The following DNAH3 variants were observed in gnomAD, a reference collection of about 807,000 sequenced individuals.
The protein encoded by DNAH3 is axonemal beta dynein heavy chain 3.
In DNAH3, 332 loss-of-function variants were observed where a neutral mutation model predicts 432.5. The ratio of observed to expected loss-of-function variants is 0.77; its 90% CI spans 0.70 to 0.84. The LOEUF is 0.84. Ranked by LOEUF, DNAH3 falls within the 40% of genes least tolerant of loss-of-function variation. DNAH3 has a pLI of 0.00. For missense variants in DNAH3, 4,861 were observed against 5,114.0 expected, an observed-to-expected ratio of 0.95 and a Z score of 1.51; for synonymous variants, 1,956 against 1,900.2, an observed-to-expected ratio of 1.03 and a Z score of -0.76.
intron 39 of DNAH3, among the ~76,000 whole-genome samples, chr16:21,024,240 C>T (rs1018987093): frequency 1.3e-5 from 2 of 152,126 alleles, no homozygotes; most frequent in African/African-American, 4.8e-5. Flanking sequence ...CCTGGCCCAT[C>T]TCTAGAGAAA....
At chr16:21,005,751 C>T (rs1394959847) in intron 41 of DNAH3, among the ~76,000 whole-genome samples, 1 of 151,944 alleles carries the variant, frequency 6.6e-6, no homozygotes, top group African/African-American at 2.4e-5. Flanking sequence ...TTGAGAATGA[C>T]CGCCTGCTGC....
chr16:20,938,394 TAAA>T (rs5816142), intron 59 of DNAH3, among the ~76,000 whole-genome samples: 1 of 143,306 alleles, frequency 7.0e-6, no homozygotes. Context: ...CTGTCTCAAT[TAAA>T]AAAAAAAAAA....
chr16:20,980,236 T>A (rs372286222), intron 49 of DNAH3, among the ~76,000 whole-genome samples: 4 of 95,638 alleles, frequency 4.2e-5, no homozygotes, highest in East Asian at 2.8e-4. Context: ...TTATTTATAT[T>A]ATATATATAA....
At chr16:21,122,044 A>G in exon 10 of DNAH3, 1 of 1,613,924 alleles carries the variant, frequency 6.2e-7, no homozygotes, top group Non-Finnish European at 8.5e-7. Context: ...TAATGGGTTC[A>G]CTGACTTCAA....
intron 21 of DNAH3, among the ~76,000 whole-genome samples, chr16:21,073,636 G>A (rs1286386427): frequency 6.6e-6 from 1 of 152,104 alleles, no homozygotes. Flanking sequence ...ATCTTTTTCT[G>A]CCTTTCTCCT....
rs553599010 is a variant in DNAH3 at position 21,157,615 on chromosome 16, C to T, written c.117+1710G>A. 1.1e-4 allele frequency among the ~76,000 whole-genome samples: 17 copies of T among 152,234 alleles called. No individual in the cohort carries two copies. The South Asian group carries it at 3.3e-3, about 30-fold the overall frequency. Reference sequence around the variant, plus strand: ...AAAGTGCTGGGATTATAGGTGTGAGCCACCGCACCCTGCCAGCTTTTTGTT... The same window carrying T: ...AAAGTGCTGGGATTATAGGTGTGAGTCACCGCACCCTGCCAGCTTTTTGTT... On this transcript the variant is annotated intron_variant, in intron 1 of 61. Coordinates refer to ENST00000261383, the Ensembl canonical transcript of DNAH3.
intron 22 of DNAH3, 22 bp from the exon 23 acceptor site, chr16:21,069,616 T>C (rs761418939): frequency 1.8e-5 from 28 of 1,598,950 alleles, no homozygotes; most frequent in South Asian, 1.2e-4. Flanking sequence ...GCATTTCATA[T>C]CTGGATCATT....
At chr16:20,990,216 A>C (rs117575405) in intron 44 of DNAH3, among the ~76,000 whole-genome samples, 130 of 152,246 alleles carry the variant, frequency 8.5e-4, no homozygotes, top group Middle Eastern at 6.8e-3. Context: ...ACTTTCACTT[A>C]CCTTATACGC....
At chr16:21,082,058 C>G (rs951895204) in intron 19 of DNAH3, among the ~76,000 whole-genome samples, 2 of 152,054 alleles carry the variant, frequency 1.3e-5, no homozygotes, top group Non-Finnish European at 2.9e-5. Context: ...CACCACCTTG[C>G]CTGGCTAATT....
At chr16:21,048,631 C>T (rs979979838) in intron 31 of DNAH3, among the ~76,000 whole-genome samples, 4 of 152,268 alleles carry the variant, frequency 2.6e-5, no homozygotes, top group East Asian at 1.9e-4. Flanking sequence ...AGAAATCACC[C>T]GTCTTCTTCG....
intron 38 of DNAH3, among the ~76,000 whole-genome samples, chr16:21,026,319 C>T (rs2088553849): frequency 6.6e-6 from 1 of 152,088 alleles, no homozygotes; most frequent in Non-Finnish European, 1.5e-5. Flanking sequence ...TAATATAATG[C>T]TAAGCAAATT....
chr16:21,129,078 T>G (rs2092503265), intron 7 of DNAH3: 2 of 152,742 alleles, frequency 1.3e-5, no homozygotes, highest in Admixed American at 1.3e-4. Flanking sequence ...GCCTAGTGAC[T>G]GGGGCCCACT....
chr16:20,997,431 A>G lies in DNAH3; in HGVS notation c.6453T>C (p.Tyr2151=), dbSNP rs766398262. 7 of 1,614,018 alleles carry G rather than the reference A, an allele frequency of 4.3e-6. No individual in the cohort carries two copies. The African/African-American group carries it at 9.3e-5, about 22-fold the overall frequency. ...GGAGCTCGATGGGTGGCTGGGCCCC[A>G]TACACCTCTTTGGCTGGCATGTTGA... The change falls in exon 44 of 62, where the codon TAT becomes TAC. Residue 2151 remains tyrosine (Y), a synonymous_variant. Coordinates refer to ENST00000261383, the Ensembl canonical transcript of DNAH3.
chr16:21,112,178 CAT>C, intron 12 of DNAH3, 80 bp from the exon 13 acceptor site: 3 of 912,022 alleles, frequency 3.3e-6, no homozygotes, highest in Non-Finnish European at 5.1e-6. Flanking sequence ...CAAATGAAGA[CAT>C]AGTAGCATTT....
At chr16:21,057,999 A>G in intron 27 of DNAH3, 87 bp downstream of exon 27, 1 of 861,578 alleles carries the variant, frequency 1.2e-6, no homozygotes, top group Non-Finnish European at 2.0e-6. Context: ...TGTTTAGACA[A>G]CAAAACATGG....
chr16:21,151,870 A>G (rs982948427), intron 1 of DNAH3, among the ~76,000 whole-genome samples: 1 of 152,124 alleles, frequency 6.6e-6, no homozygotes, highest in African/African-American at 2.4e-5. Context: ...CCATGCTTGC[A>G]TATCTTTTTT....
At chr16:21,033,261 C>G (rs2088982660) in intron 36 of DNAH3, among the ~76,000 whole-genome samples, 1 of 152,108 alleles carries the variant, frequency 6.6e-6, no homozygotes, top group Admixed American at 6.6e-5. Flanking sequence ...AAACTTGAAG[C>G]AATGCATGCA....
At chr16:21,090,369 T>C (rs2091494547) in intron 18 of DNAH3, among the ~76,000 whole-genome samples, 1 of 143,466 alleles carries the variant, frequency 7.0e-6, no homozygotes, top group Admixed American at 6.8e-5. Context: ...CACAGATACA[T>C]TACAAAAAAA....
intron 21 of DNAH3, among the ~76,000 whole-genome samples, chr16:21,071,202 C>T (rs757631268): frequency 2.0e-5 from 3 of 152,146 alleles, no homozygotes; most frequent in Non-Finnish European, 2.9e-5. Flanking sequence ...GACACCACGC[C>T]CTGCTAATTC....
Sources: allele counts gnomAD v4.1 joint callset (sites outside exome capture counted in the v4.1 genomes callset), GRCh38; gene constraint gnomAD v4.1.1; transcripts MANE v1.5; gene names NCBI Gene and HGNC (gene_info 2026-07-23, HGNC 2026-07-21).